COX6C: variants seen among roughly 807,000 people sequenced by gnomAD.
COX6C encodes the protein cytochrome c oxidase subunit 6C, also known as cytochrome c oxidase polypeptide VIc.
In COX6C, 3 loss-of-function variants were observed where a neutral mutation model predicts 6.9. The ratio of observed to expected loss-of-function variants is 0.43; its 90% CI spans 0.20 to 1.12. The LOEUF (loss-of-function observed/expected upper bound fraction) is 1.12, where lower values mean the gene tolerates loss of function less well. Ranked by LOEUF, COX6C falls within the 50% of genes most tolerant of loss-of-function variation. The pLI, the probability that COX6C is intolerant of heterozygous loss-of-function variation, is 0.27. For synonymous variants in COX6C, 32 were observed against 32.0 expected (o/e 1.00, Z 0.00); for missense variants, 101 against 97.3 (o/e 1.04, Z -0.16).
intron 3 of COX6C, among the ~76,000 whole-genome samples, chr8:99,881,325 A>G (rs898459175): frequency 1.3e-5 from 2 of 151,974 alleles, no homozygotes; most frequent in Admixed American, 6.6e-5. Context: ...GCATCACTAC[A>G]TTCCAGCCTG....
At chr8:99,887,869 G>C (rs1035325297) in intron 2 of COX6C, among the ~76,000 whole-genome samples, 1 of 152,126 alleles carries the variant, frequency 6.6e-6, no homozygotes, top group Non-Finnish European at 1.5e-5. Context: ...GTACACAAAG[G>C]GTGGGTGGGG....
At chr8:99,891,570 G>A (rs186222645) in intron 2 of COX6C, among the ~76,000 whole-genome samples, 1 of 152,144 alleles carries the variant, frequency 6.6e-6, no homozygotes, top group Admixed American at 6.5e-5. Context: ...AAGAAGTTCA[G>A]CTACAGATAT....
intron 3 of COX6C, among the ~76,000 whole-genome samples, chr8:99,884,993 T>A (rs1170061680): frequency 6.6e-6 from 1 of 152,110 alleles, no homozygotes; most frequent in African/African-American, 2.4e-5. Flanking sequence ...GAAAAATCCA[T>A]CCTAAAATTC....
rs570638619 is a variant in COX6C, at chr8:99,885,210, G to GC, written c.*15+2279dup. ...TTCAAAAACAGGTGAGTACAGTACA[G>GC]CAAGATATTGAGAGATCACATTCAC... On this transcript the variant is annotated intron_variant, in intron 3 of 3. Transcript: ENST00000520468. 3.5e-3 allele frequency among the ~76,000 whole-genome samples: 539 copies of GC among 152,332 alleles called. 6 individuals carry two copies. Among genetic ancestry groups the GC allele is most frequent in the African/African-American group, 0.012 (516 of 41,580 alleles).
Position 99,883,844 on chromosome 8 carries a change from T to C in COX6C, c.*15+3646A>G, listed in dbSNP as rs190353114. On this transcript the variant is annotated intron_variant, in intron 3 of 3. Transcript: ENST00000520468. ...GATTAAGTGGGATTTATCCCTAGGA[T>C]GCAAGGATAGTTCAACATATGCAAA... 1.6e-4 allele frequency among the ~76,000 whole-genome samples: 24 copies of C among 152,278 alleles called. No homozygotes were observed. The East Asian group carries it at 4.2e-3, about 27-fold the overall frequency.
chr8:99,892,923 G>T (rs980349921), intron 1 of COX6C: 1 of 152,302 alleles, frequency 6.6e-6, no homozygotes, highest in Admixed American at 6.5e-5. Flanking sequence ...GTTTTCCACG[G>T]TCACACGGTA....
At chr8:99,883,453 G>GTGTATATATA (rs34497336) in intron 3 of COX6C, among the ~76,000 whole-genome samples, 25 of 135,190 alleles carry the variant, frequency 1.8e-4, no homozygotes, top group South Asian at 9.1e-4. Context: ...GTGTGTGTGT[G>GTGTATATATA]TATATATATA....
At chr8:99,890,698 C>A (rs1818020230) in intron 2 of COX6C, among the ~76,000 whole-genome samples, 1 of 152,206 alleles carries the variant, frequency 6.6e-6, no homozygotes, top group African/African-American at 2.4e-5. Context: ...TGAATTCTTT[C>A]ATGGGGTATT....
In COX6C at chr8:99,891,888, A is replaced by G; in HGVS notation, c.114+20T>C. 6.2e-7 allele frequency: 1 copy of G among 1,606,178 alleles called. No individual in the cohort carries two copies. Among genetic ancestry groups the G allele is most frequent in the Non-Finnish European group, 8.5e-7 (1 of 1,172,944 alleles). ...ACACATACTTTATGACCTTCGGCAC[A>G]AAGTAAAAAACATACATACCTTATA... On this transcript the variant is annotated intron_variant, in intron 2 of 3. Transcript: ENST00000520468.
chr8:99,888,115 TAAAAAATAAAA>T (rs1373675826), intron 2 of COX6C, among the ~76,000 whole-genome samples: 1 of 144,632 alleles, frequency 6.9e-6, no homozygotes, highest in Non-Finnish European at 1.5e-5. Flanking sequence ...TAAAAAAAAA[TAAAAAATAAAA>T]AAAAAATAAA....
rs934245908 is a variant in COX6C at position 99,879,694 on chromosome 8, T to C, written c.*16-1429A>G. Among the ~76,000 whole-genome samples the C allele has an allele frequency of 5.3e-5, 8 of 152,244 alleles. No individual in the cohort carries two copies. The East Asian group carries it at 5.8e-4, about 11-fold the overall frequency. On this transcript the variant is annotated intron_variant, in intron 3 of 3. Transcript: ENST00000520468. Reference sequence around the variant, plus strand: ...TTGCCAAATGCCCTCCTCAGTACAATAGTCAGAAGAAAACTACCCTGGCTC... The same window carrying C: ...TTGCCAAATGCCCTCCTCAGTACAACAGTCAGAAGAAAACTACCCTGGCTC...
At chr8:99,888,337 C>T (rs1253124659) in intron 2 of COX6C, among the ~76,000 whole-genome samples, 2 of 151,948 alleles carry the variant, frequency 1.3e-5, no homozygotes, top group Non-Finnish European at 2.9e-5. Context: ...CTTTGGGAGG[C>T]CAAGGGGGGC....
intron 3 of COX6C, among the ~76,000 whole-genome samples, chr8:99,885,085 T>TA (rs1325238752): frequency 6.6e-6 from 1 of 152,144 alleles, no homozygotes; most frequent in Non-Finnish European, 1.5e-5. Context: ...GACTCACACT[T>TA]ACTGATTTTA....
chr8:99,883,473 T>TATATA (rs1563527116), intron 3 of COX6C, among the ~76,000 whole-genome samples: 3 of 139,410 alleles, frequency 2.2e-5, no homozygotes, highest in African/African-American at 8.1e-5. Flanking sequence ...ATATATATAT[T>TATATA]TTTTTTTTGG....
chr8:99,888,777 AG>A (rs1378984500), intron 2 of COX6C, among the ~76,000 whole-genome samples: 2 of 152,200 alleles, frequency 1.3e-5, no homozygotes. Context: ...CACGACCCTG[AG>A]GGAGAGCTGC....
chr8:99,891,783 C>T, intron 2 of COX6C, 125 bp downstream of exon 2: 2 of 798,504 alleles, frequency 2.5e-6, no homozygotes, highest in Non-Finnish European at 4.2e-6. Flanking sequence ...TAGTTCCTGT[C>T]ACACTGAGGT....
intron 3 of COX6C, among the ~76,000 whole-genome samples, chr8:99,883,467 A>AT (rs1420791344): frequency 1.2e-3 from 176 of 143,902 alleles, no homozygotes; most frequent in Non-Finnish European, 1.8e-3. Context: ...ATATATATAT[A>AT]TATATTTTTT....
chr8:99,888,621 T>C (rs1452884970), intron 2 of COX6C, among the ~76,000 whole-genome samples: 1 of 152,136 alleles, frequency 6.6e-6, no homozygotes, highest in Non-Finnish European at 1.5e-5. Flanking sequence ...CTGGGGGCCA[T>C]CATTACATGT....
At chr8:99,887,675 A>G (rs1218117149) in intron 2 of COX6C, 57 bp from the exon 3 acceptor site, 6 of 1,164,894 alleles carry the variant, frequency 5.2e-6, no homozygotes, top group Non-Finnish European at 7.3e-6. Flanking sequence ...ATTAGATTCC[A>G]GATTATAATA....
Sources: gnomAD v4.1 joint callset for allele counts (sites outside exome capture counted in the v4.1 genomes callset) on GRCh38, gnomAD v4.1.1 for gene constraint, MANE v1.5 for transcripts, NCBI Gene and HGNC (gene_info 2026-07-23, HGNC 2026-07-21) for gene names.